TMEM132D: variants seen among roughly 807,000 people sequenced by gnomAD.
TMEM132D encodes the protein transmembrane protein 132D, also known as mature OL transmembrane protein.
Under a neutral mutation model 62.3 loss-of-function variants are expected in TMEM132D, and 21 were observed. The ratio of observed to expected loss-of-function variants is 0.34; its 90% CI spans 0.24 to 0.49. TMEM132D has a LOEUF of 0.49. Ranked by LOEUF, TMEM132D falls within the 20% of genes least tolerant of loss-of-function variation. The pLI, the probability that TMEM132D is intolerant of heterozygous loss-of-function variation, is 0.99. For missense variants in TMEM132D, 1,346 were observed against 1,402.8 expected (o/e 0.96, Z 0.65); for synonymous variants, 621 against 575.6 (o/e 1.08, Z -1.13).
intron 1 of TMEM132D, among the ~76,000 whole-genome samples, chr12:129,816,510 G>A (rs1213234572): frequency 6.6e-6 from 1 of 152,094 alleles, no homozygotes; most frequent in Admixed American, 6.5e-5. Context: ...GAAAGACTAA[G>A]TATTCATAAC....
At chr12:129,484,051 C>T (rs1035847112) in intron 3 of TMEM132D, among the ~76,000 whole-genome samples, 3 of 152,068 alleles carry the variant, frequency 2.0e-5, no homozygotes, top group Non-Finnish European at 4.4e-5. Context: ...CTTACTGTAA[C>T]CTTCACCTCC....
intron 5 of TMEM132D, among the ~76,000 whole-genome samples, chr12:129,171,604 A>G (rs1416946482): frequency 6.6e-6 from 1 of 152,212 alleles, no homozygotes; most frequent in Non-Finnish European, 1.5e-5. Flanking sequence ...AGTCAGAATT[A>G]CTTTTTGCTT....
chr12:129,146,073 G>C (rs1376451008), intron 5 of TMEM132D, among the ~76,000 whole-genome samples: 2 of 108,292 alleles, frequency 1.8e-5, no homozygotes, highest in Non-Finnish European at 3.6e-5. Flanking sequence ...CTCCCATACT[G>C]ATCTTTTTTT....
intron 3 of TMEM132D, among the ~76,000 whole-genome samples, chr12:129,367,378 G>A (rs74750316): frequency 0.064 from 9,734 of 152,222 alleles, 368 homozygotes; most frequent in South Asian, 0.12. Context: ...TTGCTTTCTT[G>A]AGTGTCCATG....
intron 1 of TMEM132D, among the ~76,000 whole-genome samples, chr12:129,881,097 T>C (rs1417841517): frequency 6.6e-6 from 1 of 151,850 alleles, no homozygotes; most frequent in Non-Finnish European, 1.5e-5. Context: ...AAATAACCAA[T>C]AACACTGGGG....
At chr12:129,300,948 C>A (rs184107292) in intron 4 of TMEM132D, among the ~76,000 whole-genome samples, 1 of 152,250 alleles carries the variant, frequency 6.6e-6, no homozygotes, top group African/African-American at 2.4e-5. Context: ...ACTGTAGTTA[C>A]CCCACTCCTG....
intron 3 of TMEM132D, among the ~76,000 whole-genome samples, chr12:129,515,100 T>C (rs1237016421): frequency 1.3e-5 from 2 of 152,176 alleles, no homozygotes; most frequent in Non-Finnish European, 2.9e-5. Flanking sequence ...TTCCAATCAA[T>C]ATTTGCTCCG....
chr12:129,213,750 T>G (rs1010870139), intron 4 of TMEM132D, among the ~76,000 whole-genome samples: 3 of 152,100 alleles, frequency 2.0e-5, no homozygotes, highest in Non-Finnish European at 2.9e-5. Flanking sequence ...CCACGCCCAC[T>G]GCCAACCAGA....
chr12:129,239,841 T>G (rs552922277), intron 4 of TMEM132D, among the ~76,000 whole-genome samples: 1 of 152,298 alleles, frequency 6.6e-6, no homozygotes, highest in African/African-American at 2.4e-5. Flanking sequence ...TTTACAATGC[T>G]TCAAGTGATT....
intron 5 of TMEM132D, among the ~76,000 whole-genome samples, chr12:129,164,862 A>C (rs1202802900): frequency 6.6e-6 from 1 of 152,232 alleles, no homozygotes; most frequent in Non-Finnish European, 1.5e-5. Context: ...AAGCCTAAAC[A>C]TATCACCAAC....
At chr12:129,524,677 G>A (rs1281843619) in intron 3 of TMEM132D, among the ~76,000 whole-genome samples, 1 of 151,874 alleles carries the variant, frequency 6.6e-6, no homozygotes, top group Non-Finnish European at 1.5e-5. Flanking sequence ...GTCACAGGAC[G>A]CAGGTTTTAA....
chr12:129,406,067 CATG>C (rs749956035), intron 3 of TMEM132D, among the ~76,000 whole-genome samples: 18 of 152,174 alleles, frequency 1.2e-4, no homozygotes, highest in Non-Finnish European at 1.8e-4. Flanking sequence ...ACATTCATTT[CATG>C]ATGATTCGAT....
intron 3 of TMEM132D, among the ~76,000 whole-genome samples, chr12:129,457,640 A>T (rs1413268349): frequency 6.6e-6 from 1 of 152,168 alleles, no homozygotes; most frequent in Non-Finnish European, 1.5e-5. Context: ...TCCACAGGCC[A>T]TATGTGAAGC....
intron 2 of TMEM132D, among the ~76,000 whole-genome samples, chr12:129,550,283 T>C (rs372162034): frequency 7.5e-4 from 115 of 152,338 alleles, no homozygotes; most frequent in African/African-American, 2.1e-3. Context: ...GAGCAACTTA[T>C]GGATTTTCTA....
At chr12:129,694,889 T>C (rs999093402) in intron 2 of TMEM132D, among the ~76,000 whole-genome samples, 1 of 152,142 alleles carries the variant, frequency 6.6e-6, no homozygotes, top group Admixed American at 6.5e-5. Context: ...GAGCCTTTAA[T>C]CCCAGCTACT....
intron 3 of TMEM132D, among the ~76,000 whole-genome samples, chr12:129,491,292 A>G (rs1366585115): frequency 6.6e-6 from 1 of 152,200 alleles, no homozygotes; most frequent in African/African-American, 2.4e-5. Context: ...CCACGGCAAC[A>G]AACAACAACA....
intron 3 of TMEM132D, among the ~76,000 whole-genome samples, chr12:129,498,929 G>A (rs1875044487): frequency 6.6e-6 from 1 of 151,996 alleles, no homozygotes; most frequent in Non-Finnish European, 1.5e-5. Flanking sequence ...GCTCCCTCCA[G>A]GGAATCACTT....
chr12:129,089,515 G>GA (rs1407230217), intron 5 of TMEM132D, among the ~76,000 whole-genome samples: 1 of 124,794 alleles, frequency 8.0e-6, no homozygotes, highest in African/African-American at 3.3e-5. Context: ...CTATGACCGG[G>GA]TGTCCTCCAT....
intron 2 of TMEM132D, among the ~76,000 whole-genome samples, chr12:129,604,672 C>T (rs1565919702): frequency 6.6e-6 from 1 of 152,092 alleles, no homozygotes; most frequent in Non-Finnish European, 1.5e-5. Flanking sequence ...TGCACCTAAC[C>T]AATTGGAAAA....
Sources: gnomAD v4.1 joint callset for allele counts (sites outside exome capture counted in the v4.1 genomes callset) on GRCh38, gnomAD v4.1.1 for gene constraint, MANE v1.5 for transcripts, NCBI Gene and HGNC (gene_info 2026-07-23, HGNC 2026-07-21) for gene names.